BBS9: variants seen among roughly 807,000 people sequenced by gnomAD.
BBS9 encodes protein PTHB1.
In BBS9, 89 loss-of-function variants were observed where a neutral mutation model predicts 117.7. That is an observed-to-expected ratio of 0.76 (90% CI 0.64 to 0.90). The LOEUF (loss-of-function observed/expected upper bound fraction) is 0.90. BBS9 is among the 40% of genes least tolerant of loss of function. BBS9 has a pLI of 0.00. For synonymous variants in BBS9, 379 were observed against 370.9 expected, an observed-to-expected ratio of 1.02 and a Z score of -0.25; for missense variants, 982 against 1,042.2, an observed-to-expected ratio of 0.94 and a Z score of 0.80.
chr7:33,190,247 G>C (rs1303208133), intron 5 of BBS9, among the ~76,000 whole-genome samples: 1 of 151,594 alleles, frequency 6.6e-6, no homozygotes, highest in Non-Finnish European at 1.5e-5. Flanking sequence ...AGCCTCCTGA[G>C]CAGCTGGGTC....
intron 5 of BBS9, among the ~76,000 whole-genome samples, chr7:33,236,964 A>G (rs1356111594): frequency 6.6e-6 from 1 of 152,140 alleles, no homozygotes; most frequent in African/African-American, 2.4e-5. Flanking sequence ...TACACATTAT[A>G]ATTAATTTAA....
chr7:33,613,410 T>G (rs2129216090), intron 21 of BBS9, among the ~76,000 whole-genome samples: 1 of 152,150 alleles, frequency 6.6e-6, no homozygotes, highest in South Asian at 2.1e-4. Context: ...CACTTCAAAG[T>G]TTGTATATTT....
At chr7:33,171,857 C>G (rs936720708) in intron 4 of BBS9, among the ~76,000 whole-genome samples, 4 of 151,946 alleles carry the variant, frequency 2.6e-5, no homozygotes, top group Non-Finnish European at 5.9e-5. Context: ...TTCCCTTAGT[C>G]ATTCTGGGTG....
chr7:33,536,167 A>T (rs1585167097), intron 21 of BBS9, among the ~76,000 whole-genome samples: 1 of 152,266 alleles, frequency 6.6e-6, no homozygotes, highest in African/African-American at 2.4e-5. Context: ...AGTCAGATTT[A>T]TGCCTGGCCT....
intron 1 of BBS9, among the ~76,000 whole-genome samples, chr7:33,132,873 A>G (rs1017344677): frequency 6.6e-6 from 1 of 152,234 alleles, no homozygotes; most frequent in Non-Finnish European, 1.5e-5. Context: ...GAGAAAGGGC[A>G]GAATTTATTT....
At chr7:33,190,182 C>T (rs1181042049) in intron 5 of BBS9, among the ~76,000 whole-genome samples, 1 of 145,810 alleles carries the variant, frequency 6.9e-6, no homozygotes, top group Non-Finnish European at 1.5e-5. Context: ...TGCAGTGGCG[C>T]AATCTCGGCT....
At chr7:33,208,429 GC>G (rs1787369674) in intron 5 of BBS9, among the ~76,000 whole-genome samples, 1 of 152,126 alleles carries the variant, frequency 6.6e-6, no homozygotes, top group Non-Finnish European at 1.5e-5. Context: ...CTTCTCTGTA[GC>G]CAGAGCTTTG....
At chr7:33,169,196 A>C (rs1343617858) in intron 4 of BBS9, among the ~76,000 whole-genome samples, 1 of 151,052 alleles carries the variant, frequency 6.6e-6, no homozygotes, top group South Asian at 2.1e-4. Flanking sequence ...ACATTTTCTT[A>C]ATCCAGTCTA....
chr7:33,264,874 A>G (rs1422971138), intron 7 of BBS9, among the ~76,000 whole-genome samples: 3 of 152,168 alleles, frequency 2.0e-5, no homozygotes, highest in Non-Finnish European at 4.4e-5. Context: ...TGTTTTGGCC[A>G]TTAATTCTTT....
chr7:33,209,825 CT>C (rs936175554), intron 5 of BBS9, among the ~76,000 whole-genome samples: 3 of 151,822 alleles, frequency 2.0e-5, no homozygotes, highest in African/African-American at 7.3e-5. Context: ...TCAATTTTAT[CT>C]TTTTAAAAAA....
chr7:33,554,796 GA>G (rs1015419725), intron 21 of BBS9, among the ~76,000 whole-genome samples: 12 of 152,172 alleles, frequency 7.9e-5, no homozygotes, highest in African/African-American at 2.9e-4. Flanking sequence ...TATGGAGAGA[GA>G]AAAGAGAGGA....
Position 33,195,116 on chromosome 7 carries a change from A to G in BBS9, c.442+17525A>G, listed in dbSNP as rs550510358. On this transcript the variant is annotated intron_variant, in intron 5 of 22. Transcript: ENST00000242067. ...AAGGTCTATGTGTTCTGAGAAAGGA[A>G]TGAGAGGGAGGTTTTTCTATAAGCT... Among the ~76,000 whole-genome samples, 3 of 152,272 alleles carry G rather than the reference A, an allele frequency of 2.0e-5. No homozygotes were observed. In the South Asian group the frequency reaches 6.2e-4, roughly 32 times the overall value.
At chr7:33,510,919 A>G (rs1348816591) in intron 20 of BBS9, among the ~76,000 whole-genome samples, 1 of 151,900 alleles carries the variant, frequency 6.6e-6, no homozygotes, top group Non-Finnish European at 1.5e-5. Context: ...AAGTTATACC[A>G]TGGTGTTTGC....
chr7:33,614,059 A>C (rs1218846892), intron 21 of BBS9, among the ~76,000 whole-genome samples: 2 of 152,110 alleles, frequency 1.3e-5, no homozygotes, highest in African/African-American at 4.8e-5. Flanking sequence ...CTGTCATGAA[A>C]AGCATGAAAA....
intron 17 of BBS9, among the ~76,000 whole-genome samples, chr7:33,375,886 C>T (rs541180688): frequency 3.3e-5 from 5 of 151,934 alleles, no homozygotes; most frequent in Non-Finnish European, 7.4e-5. Context: ...TGTGCCCATC[C>T]TAATGGTAAA....
chr7:33,276,233 G>A (rs930816215), intron 9 of BBS9, among the ~76,000 whole-genome samples: 11 of 152,102 alleles, frequency 7.2e-5, no homozygotes, highest in Non-Finnish European at 1.3e-4. Context: ...AATAAAGATT[G>A]TAAAACACTA....
chr7:33,574,704 C>CAT (rs1377412228), intron 21 of BBS9, among the ~76,000 whole-genome samples: 12,092 of 141,442 alleles, frequency 0.085, 962 homozygotes, highest in African/African-American at 0.22. Context: ...CACACACACA[C>CAT]ACACACACAC....
chr7:33,259,351 C>T (rs765065152), intron 6 of BBS9, among the ~76,000 whole-genome samples: 1 of 152,106 alleles, frequency 6.6e-6, no homozygotes, highest in Non-Finnish European at 1.5e-5. Flanking sequence ...GTAGGAGTCA[C>T]CTGGACAGCC....
chr7:33,244,966 C>T (rs949170712), intron 5 of BBS9, among the ~76,000 whole-genome samples: 13 of 152,206 alleles, frequency 8.5e-5, no homozygotes, highest in African/African-American at 3.1e-4. Flanking sequence ...ATTAGTGCCC[C>T]TTTTTGGTAC....
Sources: gnomAD v4.1 joint callset for allele counts (sites outside exome capture counted in the v4.1 genomes callset) on GRCh38, gnomAD v4.1.1 for gene constraint, MANE v1.5 for transcripts, NCBI Gene and HGNC (gene_info 2026-07-23, HGNC 2026-07-21) for gene names.